Variants in VWCE observed in about 807,000 individuals in gnomAD.
The protein encoded by VWCE is von Willebrand factor C and EGF domains, also known as von Willebrand factor C and EGF domain-containing protein.
A neutral mutation model predicts 102.9 loss-of-function variants in VWCE; 68 were observed. That is an observed-to-expected ratio of 0.66 (90% CI 0.54 to 0.81). VWCE has a LOEUF of 0.81. Among genes scored for constraint, VWCE ranks in the 30% least tolerant of loss-of-function variants. The pLI, the probability that VWCE is intolerant of heterozygous loss-of-function variation, is 0.00. For missense variants in VWCE, 1,137 were observed against 1,263.6 expected (o/e 0.90, Z 1.52); for synonymous variants, 497 against 515.4 (o/e 0.96, Z 0.48).
intron 11 of VWCE, 114 bp from the exon 12 acceptor site, chr11:61,274,698 C>A: frequency 1.3e-6 from 1 of 775,360 alleles, no homozygotes; most frequent in East Asian, 2.9e-5. Flanking sequence ...CCACAACACT[C>A]CACAGCATGC....
chr11:61,271,490 C>A (rs1004308072), intron 14 of VWCE, 185 bp downstream of exon 14: 9 of 556,620 alleles, frequency 1.6e-5, no homozygotes, highest in Non-Finnish European at 2.9e-5. Flanking sequence ...CCATCGTCCT[C>A]ACACATCTAC....
chr11:61,280,674 C>A lies in VWCE; in HGVS notation c.1274G>T (p.Cys425Phe). 6.2e-7 allele frequency: 1 copy of A among 1,614,098 alleles called. No homozygotes were observed. Among genetic ancestry groups the A allele is most frequent in the Non-Finnish European group, 8.5e-7 (1 of 1,180,028 alleles). The stretch of plus-strand genomic sequence containing the variant: ...ATCTCTGGAGGGAATTGGGTGGGAA[C>A]AAGCAGCTTCACACCTCACCTTTTC... ...TCEKVRCEAA[C>F]SHPIPSRDGG... Residue 425 changes from cysteine to phenylalanine, a missense_variant, in exon 9 of 20, where the codon TGT becomes TTT. Cys to Phe is a radical substitution (Grantham distance 205). This residue lies in a region of VWCE where 575 missense variants were observed against 625.9 expected (regional missense o/e 0.92). Coordinates refer to ENST00000335613, the MANE Select transcript of VWCE (RefSeq NM_152718.2).
At chr11:61,280,369 G>C (rs1267717156) in intron 9 of VWCE, among the ~76,000 whole-genome samples, 1 of 152,138 alleles carries the variant, frequency 6.6e-6, no homozygotes, top group Non-Finnish European at 1.5e-5. Context: ...GCATAAATGA[G>C]TGGTTCTCAA....
At chr11:61,281,740 T>G in intron 7 of VWCE, 46 bp downstream of exon 7, 1 of 1,564,642 alleles carries the variant, frequency 6.4e-7, no homozygotes, top group Non-Finnish European at 8.7e-7. Context: ...GGGCAGGCAC[T>G]GAGGGGGCGT....
At chr11:61,274,658 G>T in intron 11 of VWCE, 74 bp from the exon 12 acceptor site, 1 of 1,402,862 alleles carries the variant, frequency 7.1e-7, no homozygotes. Flanking sequence ...GAACAAATGG[G>T]TAGGGAGCCC....
At chr11:61,272,121 CACAG>C (rs542013031) in intron 13 of VWCE, among the ~76,000 whole-genome samples, 44 of 151,788 alleles carry the variant, frequency 2.9e-4, no homozygotes, top group African/African-American at 8.2e-4. Context: ...CACACATGCA[CACAG>C]ACACACACAT....
In VWCE at chr11:61,258,995, T is replaced by C. The variant is rs1276401771; in HGVS notation, c.2548A>G (p.Thr850Ala). The C allele has an allele frequency of 6.2e-7, 1 of 1,609,934 alleles. No homozygotes were observed. Among genetic ancestry groups the C allele is most frequent in the Non-Finnish European group, 8.5e-7 (1 of 1,178,026 alleles). ...GGTAGAGTGGGGGCTCCTGGAGGGG[T>C]CGAAGGCCCTGGTGAGAGTCGAGGG... ...ASPRLSPGPS[T>A]PPGAPTLPLA... The change falls in exon 20 of 20, where the codon ACC becomes GCC. Residue 850 changes from threonine (T) to alanine (A), a missense_variant. By Grantham distance (58) the Thr-to-Ala change is moderately conservative (BLOSUM62 0). This residue lies in a region of VWCE where 316 missense variants were observed against 319.3 expected (regional missense o/e 0.99). Transcript: ENST00000335613.
chr11:61,282,595 G>T, intron 6 of VWCE, 194 bp downstream of exon 6: 1 of 592,024 alleles, frequency 1.7e-6, no homozygotes, highest in South Asian at 2.3e-5. Context: ...GCCAGGAAAA[G>T]TCCAAGACAG....
At position 61,294,097 on chromosome 11, in the gene VWCE, C is replaced by G. The variant is rs1855599239; in HGVS notation, c.110+831G>C. On this transcript the variant is annotated intron_variant, in intron 1 of 19. Coordinates refer to ENST00000335613, the MANE Select transcript of VWCE (RefSeq NM_152718.2). The surrounding 1 kb of genome is among the most constrained non-coding windows in gnomAD (Gnocchi z 6.3). ...GTCGAACTCTCAGGTGGGCAGGGAC[C>G]GAGCACCCGCCAGAGCGCCCTAAGG... Among the ~76,000 whole-genome samples, 2 of 152,116 alleles carry G rather than the reference C, an allele frequency of 1.3e-5. No homozygotes were observed. Among genetic ancestry groups the G allele is most frequent in the Admixed American group, 1.3e-4 (2 of 15,286 alleles).
At position 61,275,941 on chromosome 11, in the gene VWCE, A is replaced by G. The variant is rs924768546; in HGVS notation, c.1495+652T>C. On this transcript the variant is annotated intron_variant, in intron 11 of 19. Coordinates refer to ENST00000335613, the MANE Select transcript of VWCE (RefSeq NM_152718.2). ...TAAGGCAGGGGAAAGCTGGGCTGTG[A>G]GCACAGTCTAGCCTCAAACTGCTGT... 6.6e-5 allele frequency among the ~76,000 whole-genome samples: 10 copies of G among 152,344 alleles called. No individual in the cohort carries two copies. In the South Asian group the frequency reaches 1.9e-3, roughly 28 times the overall value.
At chr11:61,273,059 C>A in intron 13 of VWCE, 140 bp downstream of exon 13, 4 of 809,706 alleles carry the variant, frequency 4.9e-6, no homozygotes, top group Non-Finnish European at 4.1e-6. Context: ...CAAAAACTCA[C>A]ACTCATACAC....
chr11:61,274,669 C>T lies in VWCE; in HGVS notation c.1496-85G>A, dbSNP rs148761384. On this transcript the variant is annotated intron_variant, in intron 11 of 19. Transcript: ENST00000335613. ...GGGGGAACAAATGGGTAGGGAGCCC[C>T]GGGGCACTTAACACACACCCACAAC... 8.2e-4 allele frequency: 1,013 copies of T among 1,242,178 alleles called. 9 individuals are homozygous for T. In the African/African-American group the frequency reaches 0.013, roughly 16 times the overall value. The allele number at this position is 1,242,178 out of a possible 1,614,324, so 76.9% of individuals were successfully genotyped here. A position where few individuals can be genotyped will look rare whatever the true frequency, so the allele number is the denominator to read the frequency against.
chr11:61,274,694 C>T, intron 11 of VWCE, 110 bp from the exon 12 acceptor site: 2 of 812,052 alleles, frequency 2.5e-6, no homozygotes, highest in South Asian at 1.6e-5. Flanking sequence ...ACACCCACAA[C>T]ACTCCACAGC....
At chr11:61,260,995 T>G (rs534967074) in intron 19 of VWCE, among the ~76,000 whole-genome samples, 1 of 151,766 alleles carries the variant, frequency 6.6e-6, no homozygotes, top group South Asian at 2.1e-4. Flanking sequence ...GAGGCCATGG[T>G]GGACAGATCA....
In VWCE at chr11:61,294,619, C is replaced by T. The variant is rs1855615729; in HGVS notation, c.110+309G>A. Among the ~76,000 whole-genome samples the T allele has an allele frequency of 2.0e-5, 3 of 152,134 alleles. No individual in the cohort carries two copies. The highest frequency in any genetic ancestry group is 2.0e-4 in the Admixed American group (3 of 15,286). Reference sequence around the variant, plus strand: ...CAGCCAGTCCGGAGACCAGATGGCACGTCCTGGGCTCCCCTCTCCAGAGGT... The same window carrying T: ...CAGCCAGTCCGGAGACCAGATGGCATGTCCTGGGCTCCCCTCTCCAGAGGT... On this transcript the variant is annotated intron_variant, in intron 1 of 19. Coordinates refer to ENST00000335613, the MANE Select transcript of VWCE (RefSeq NM_152718.2). The surrounding 1 kb of genome is among the most constrained non-coding windows in gnomAD (Gnocchi z 6.3).
intron 19 of VWCE, among the ~76,000 whole-genome samples, chr11:61,259,965 T>C (rs766652731): frequency 1.3e-5 from 2 of 152,180 alleles, no homozygotes; most frequent in Non-Finnish European, 2.9e-5. Context: ...AAATCAAAAA[T>C]GCATTTCTGA....
intron 4 of VWCE, among the ~76,000 whole-genome samples, chr11:61,287,108 A>G (rs922531741): frequency 1.3e-5 from 2 of 152,138 alleles, no homozygotes; most frequent in African/African-American, 2.4e-5. Flanking sequence ...AGAAAGAAAA[A>G]AAAAGAAAAG....
At chr11:61,284,824 T>C (rs1262319628) in intron 5 of VWCE, among the ~76,000 whole-genome samples, 2 of 152,046 alleles carry the variant, frequency 1.3e-5, no homozygotes, top group Non-Finnish European at 2.9e-5. Flanking sequence ...GGCGCACACC[T>C]GTAACCCTAG....
chr11:61,293,316 C>T (rs1390128492), intron 1 of VWCE, among the ~76,000 whole-genome samples: 2 of 145,564 alleles, frequency 1.4e-5, no homozygotes, highest in East Asian at 4.0e-4. Context: ...GCTCGAGAGG[C>T]TGAGGCATGA....
Sources: allele counts gnomAD v4.1 joint callset (sites outside exome capture counted in the v4.1 genomes callset), GRCh38; gene constraint gnomAD v4.1.1; regional missense constraint gnomAD v4.1.1; non-coding constraint Gnocchi (gnomAD v3.1); transcripts MANE v1.5; gene names NCBI Gene and HGNC (gene_info 2026-07-23, HGNC 2026-07-21).